Variants in SMPD3 observed in about 807,000 individuals in gnomAD.
SMPD3 encodes sphingomyelin phosphodiesterase 3.
In SMPD3, 21 loss-of-function variants were observed where a neutral mutation model predicts 55.7. That is an observed-to-expected ratio of 0.38 (90% CI 0.27 to 0.54). SMPD3 has a LOEUF of 0.54. Ranked by LOEUF, SMPD3 falls within the 20% of genes least tolerant of loss-of-function variation. The pLI is 0.80. For synonymous variants in SMPD3, 457 were observed against 404.3 expected, an observed-to-expected ratio of 1.13 and a Z score of -1.56; for missense variants, 842 against 899.6, an observed-to-expected ratio of 0.94 and a Z score of 0.82.
intron 1 of SMPD3, among the ~76,000 whole-genome samples, chr16:68,439,743 GA>G (rs34370690): frequency 2.6e-5 from 4 of 152,004 alleles, no homozygotes; most frequent in African/African-American, 9.7e-5. Flanking sequence ...CAAACTTTTG[GA>G]AAAAAAGGTG....
intron 1 of SMPD3, among the ~76,000 whole-genome samples, chr16:68,418,059 C>T (rs555960269): frequency 6.6e-6 from 1 of 152,280 alleles, no homozygotes; most frequent in Admixed American, 6.5e-5. Flanking sequence ...TTATAAAATC[C>T]TGTGCTCTCA....
At chr16:68,367,007 C>CAAAAAAAAAAA (rs35797796) in intron 3 of SMPD3, among the ~76,000 whole-genome samples, 1 of 129,514 alleles carries the variant, frequency 7.7e-6, no homozygotes. Context: ...GACTCTGTCT[C>CAAAAAAAAAAA]AAAAAAAAAA....
chr16:68,429,739 C>G (rs893741164), intron 1 of SMPD3, among the ~76,000 whole-genome samples: 1 of 152,142 alleles, frequency 6.6e-6, no homozygotes, highest in African/African-American at 2.4e-5. Context: ...AAATGAAGGA[C>G]TTGAGGACAA....
intron 1 of SMPD3, among the ~76,000 whole-genome samples, chr16:68,406,064 C>A (rs1454106448): frequency 6.6e-6 from 1 of 152,146 alleles, no homozygotes; most frequent in Non-Finnish European, 1.5e-5. Flanking sequence ...GCAGTTGAAC[C>A]CCCAATGGTC....
chr16:68,394,277 GTTTTC>G (rs1344031440), intron 1 of SMPD3, among the ~76,000 whole-genome samples: 2 of 151,992 alleles, frequency 1.3e-5, no homozygotes, highest in Admixed American at 6.5e-5. Context: ...TTTCTCCTCT[GTTTTC>G]TTTGTCTACA....
At chr16:68,431,210 G>T (rs2090477273) in intron 1 of SMPD3, among the ~76,000 whole-genome samples, 1 of 152,202 alleles carries the variant, frequency 6.6e-6, no homozygotes, top group Admixed American at 6.5e-5. Flanking sequence ...CCGACTCCCA[G>T]GGAAGTGATG....
Position 68,429,690 on chromosome 16 carries a change from T to C in SMPD3, c.-269+18663A>G, listed in dbSNP as rs530413963. 2.6e-5 allele frequency among the ~76,000 whole-genome samples: 4 copies of C among 152,206 alleles called. No homozygotes were observed. The East Asian group carries it at 7.7e-4, about 29-fold the overall frequency. On this transcript the variant is annotated intron_variant, in intron 1 of 8. Transcript: ENST00000219334. The stretch of plus-strand genomic sequence containing the variant: ...CCTAGTTACTCTTGTCAGCAATGAG[T>C]ATGAGCCCTTTGGGCTGTGCCCTTC...
At chr16:68,398,119 C>A (rs1301977395) in intron 1 of SMPD3, among the ~76,000 whole-genome samples, 1 of 152,060 alleles carries the variant, frequency 6.6e-6, no homozygotes, top group African/African-American at 2.4e-5. Flanking sequence ...TGGGCCCCTG[C>A]TGGAGCTGCA....
chr16:68,416,904 G>A lies in SMPD3; in HGVS notation c.-268-30245C>T, dbSNP rs552376784. Among the ~76,000 whole-genome samples, 3 of 152,264 alleles carry A rather than the reference G, an allele frequency of 2.0e-5. No individual in the cohort carries two copies. In the East Asian group the frequency reaches 5.8e-4, roughly 29 times the overall value. ...GCTGGAAGATGCCTCAGTCCCAGGA[G>A]AGCTCTGTGGCTGGAAAGCTGCTTC... On this transcript the variant is annotated intron_variant, in intron 1 of 8. Transcript: ENST00000219334.
At chr16:68,446,329 A>G (rs183544366) in intron 1 of SMPD3, among the ~76,000 whole-genome samples, 2 of 152,314 alleles carry the variant, frequency 1.3e-5, no homozygotes, top group East Asian at 3.9e-4. Context: ...CAGGCCAGGC[A>G]GGCTAGGCAC....
intron 2 of SMPD3, among the ~76,000 whole-genome samples, 190 bp from the exon 3 acceptor site, chr16:68,372,577 G>A (rs1196076325): frequency 1.3e-5 from 2 of 152,236 alleles, no homozygotes; most frequent in East Asian, 3.8e-4. Flanking sequence ...CTTCCTCCAT[G>A]TATGCTGTTC....
chr16:68,413,959 C>T (rs763795977), intron 1 of SMPD3, among the ~76,000 whole-genome samples: 4 of 152,230 alleles, frequency 2.6e-5, no homozygotes, highest in Non-Finnish European at 4.4e-5. Context: ...ACCATCCTAG[C>T]TGTGACTTTC....
intron 1 of SMPD3, among the ~76,000 whole-genome samples, chr16:68,396,588 C>A (rs539004224): frequency 1.6e-3 from 251 of 152,258 alleles, no homozygotes; most frequent in African/African-American, 5.6e-3. Context: ...GTACTGGCAG[C>A]GTAGAGCCCC....
At chr16:68,386,146 C>CG (rs1039662744) in intron 2 of SMPD3, among the ~76,000 whole-genome samples, 1 of 150,774 alleles carries the variant, frequency 6.6e-6, no homozygotes, top group Non-Finnish European at 1.5e-5. Context: ...CACTTGAGCC[C>CG]GGGAAGTAGA....
At chr16:68,445,703 C>CTAGA (rs1457373171) in intron 1 of SMPD3, among the ~76,000 whole-genome samples, 3 of 152,210 alleles carry the variant, frequency 2.0e-5, no homozygotes, top group Non-Finnish European at 4.4e-5. Flanking sequence ...GCAGCCTGGG[C>CTAGA]TAGATAGATG....
intron 2 of SMPD3, among the ~76,000 whole-genome samples, chr16:68,374,370 TG>T (rs1346494748): frequency 6.6e-6 from 1 of 152,246 alleles, no homozygotes; most frequent in Non-Finnish European, 1.5e-5. Context: ...TTCACAAGGC[TG>T]TCACTCTCCT....
chr16:68,440,321 TC>T (rs2090556431), intron 1 of SMPD3, among the ~76,000 whole-genome samples: 1 of 152,146 alleles, frequency 6.6e-6, no homozygotes, highest in African/African-American at 2.4e-5. Context: ...CTCAGCCTCC[TC>T]CTGAGTAGCT....
chr16:68,389,620 C>T (rs547682899), intron 1 of SMPD3, among the ~76,000 whole-genome samples: 2 of 152,200 alleles, frequency 1.3e-5, no homozygotes, highest in South Asian at 2.1e-4. Flanking sequence ...CAGGTACCTT[C>T]GATGAGGCTG....
In SMPD3 at chr16:68,370,991, G is replaced by A. The variant is rs2089647979; in HGVS notation, c.1191C>T (p.Cys397=). The A allele has an allele frequency of 1.2e-6, 2 of 1,613,992 alleles. No homozygotes were observed. The highest frequency in any genetic ancestry group is 2.2e-5 in the South Asian group (2 of 91,088). ...CGCTGTTGAGACACTTGAAGCTGCAGCAGCCCTGGCAGCCGTAGACCCCGA... is the reference window on the plus strand; with the variant it reads ...CGCTGTTGAGACACTTGAAGCTGCAACAGCCCTGGCAGCCGTAGACCCCGA... ...YDVGVYGCQG[C]CSFKCLNSGL... The change falls in exon 3 of 9, where the codon TGC becomes TGT. Residue 397 remains cysteine (C), a synonymous_variant. Coordinates refer to ENST00000219334, the MANE Select transcript of SMPD3 (RefSeq NM_018667.4).
Sources: gnomAD v4.1 joint callset for allele counts (sites outside exome capture counted in the v4.1 genomes callset) on GRCh38, gnomAD v4.1.1 for gene constraint, MANE v1.5 for transcripts, NCBI Gene and HGNC (gene_info 2026-07-23, HGNC 2026-07-21) for gene names.